The following ITPR1 variants were observed in gnomAD, a reference collection of about 807,000 sequenced individuals.
ITPR1 encodes the protein inositol 1,4,5-trisphosphate-gated calcium channel ITPR1.
Under a neutral mutation model 318.4 loss-of-function variants are expected in ITPR1, and 96 were observed. The ratio of observed to expected loss-of-function variants is 0.30; its 90% confidence interval spans 0.26 to 0.36. The LOEUF is 0.36. ITPR1 is among the 10% of genes least tolerant of loss of function. The pLI is 1.00. For synonymous variants in ITPR1, 1,312 were observed against 1,289.9 expected, an observed-to-expected ratio of 1.02 and a Z score of -0.37; for missense variants, 2,440 against 3,460.2, an observed-to-expected ratio of 0.71 and a Z score of 7.40.
At chr3:4,738,869 G>A (rs1165105028) in intron 44 of ITPR1, among the ~76,000 whole-genome samples, 1 of 151,868 alleles carries the variant, frequency 6.6e-6, no homozygotes, top group African/African-American at 2.4e-5. Context: ...GGGTGGTGTG[G>A]GGGCCTGTGG....
chr3:4,652,825 C>A (rs568278282), intron 11 of ITPR1, among the ~76,000 whole-genome samples: 1 of 151,982 alleles, frequency 6.6e-6, no homozygotes, highest in East Asian at 1.9e-4. Context: ...GGTGAAACCC[C>A]GTCTCTACAA....
At chr3:4,640,710 A>G (rs1559593454) in intron 6 of ITPR1, among the ~76,000 whole-genome samples, 2 of 152,268 alleles carry the variant, frequency 1.3e-5, no homozygotes. Flanking sequence ...CACCAGCAAA[A>G]TGGAAATGGT....
rs2050979461 is a variant in ITPR1 at position 4,837,114 on chromosome 3, TG to T, written c.8190+180del. 2.0e-5 allele frequency among the ~76,000 whole-genome samples: 3 copies of T among 152,156 alleles called. No individual in the cohort carries two copies. In the South Asian group the frequency reaches 6.2e-4, roughly 32 times the overall value. ...GTCTCCTCACCCCAATCCCCTTCAC[TG>T]CCCTTTTCCAGGATAAAGCCATGGT... On this transcript the variant is annotated intron_variant, in intron 61 of 61. Coordinates refer to ENST00000649015, the MANE Select transcript of ITPR1 (RefSeq NM_001378452.1).
intron 4 of ITPR1, among the ~76,000 whole-genome samples, chr3:4,557,911 T>C (rs974778432): frequency 4.6e-5 from 7 of 152,226 alleles, no homozygotes; most frequent in Admixed American, 3.9e-4. Flanking sequence ...CATAAATTTA[T>C]GGTGAAACCC....
intron 52 of ITPR1, among the ~76,000 whole-genome samples, chr3:4,792,578 C>T (rs929029206): frequency 3.9e-5 from 6 of 152,188 alleles, no homozygotes; most frequent in Admixed American, 2.6e-4. Context: ...CCTTGGTGCT[C>T]TTACGTGGCT....
At chr3:4,612,940 G>A (rs2092222647) in intron 4 of ITPR1, among the ~76,000 whole-genome samples, 1 of 152,298 alleles carries the variant, frequency 6.6e-6, no homozygotes, top group African/African-American at 2.4e-5. Context: ...AAGCTGTCTG[G>A]ATATGTGAAT....
intron 4 of ITPR1, among the ~76,000 whole-genome samples, chr3:4,582,831 C>T (rs983697057): frequency 1.3e-5 from 2 of 152,164 alleles, no homozygotes; most frequent in African/African-American, 4.8e-5. Context: ...GGAATGTGTT[C>T]TCCTTCTTCC....
intron 4 of ITPR1, among the ~76,000 whole-genome samples, chr3:4,529,448 T>C (rs79307328): frequency 0.012 from 1,827 of 152,358 alleles, 18 homozygotes; most frequent in Non-Finnish European, 0.017. Context: ...ATACTGTGGT[T>C]GATTACGGAC....
chr3:4,700,300 A>T (rs1368773696), intron 35 of ITPR1, among the ~76,000 whole-genome samples: 1 of 152,174 alleles, frequency 6.6e-6, no homozygotes, highest in Non-Finnish European at 1.5e-5. Context: ...AGCCTGTGCT[A>T]TTTCTGTCAG....
rs147165789 is a variant in ITPR1, at chr3:4,770,132, A to T, written c.5979+1368A>T. On this transcript the variant is annotated intron_variant, in intron 46 of 61. Transcript: ENST00000649015. ...TTGGGTTATGAGGGTATGGAAAGGA[A>T]ATAATGCTAGTCCAGATCTGGCCAG... Among the ~76,000 whole-genome samples the T allele has an allele frequency of 1.8e-3, 269 of 152,278 alleles. 1 individual carries two copies. Among genetic ancestry groups the T allele is most frequent in the Non-Finnish European group, 2.6e-3 (178 of 68,002 alleles).
rs756745652 is a variant in ITPR1 at position 4,663,144 on chromosome 3, G to T, written c.1492G>T (p.Val498Phe). 1.5e-5 allele frequency: 25 copies of T among 1,613,690 alleles called. No homozygotes were observed. The highest frequency in any genetic ancestry group is 1.5e-4 in the Admixed American group (9 of 59,990). ...TTCTGGTCAAGATGTTCTCGAAGTT[G>T]TCTTCTCCAAGCCCAACAGAGAACG... is the stretch of plus-strand genomic sequence containing the variant. ...TNSGQDVLEV[V>F]FSKPNRERQK... Residue 498 changes from valine (V) to phenylalanine (F), a missense_variant, in exon 16 of 62, where the codon GTC (valine) becomes TTC (phenylalanine). Around this residue, in one of 23 missense-constraint regions of ITPR1, gnomAD observed 478 missense variants for 696.3 expected, o/e 0.69. Transcript: ENST00000649015.
chr3:4,758,689 T>C (rs1222723268), intron 44 of ITPR1, among the ~76,000 whole-genome samples: 1 of 151,892 alleles, frequency 6.6e-6, no homozygotes, highest in Non-Finnish European at 1.5e-5. Context: ...GAAAGGAGTG[T>C]CCCCCTTTGA....
At chr3:4,546,125 C>T (rs370720907) in intron 4 of ITPR1, among the ~76,000 whole-genome samples, 1 of 152,074 alleles carries the variant, frequency 6.6e-6, no homozygotes, top group Non-Finnish European at 1.5e-5. Flanking sequence ...ACATTTTAAG[C>T]GTGCAGTCAG....
intron 31 of ITPR1, 125 bp from the exon 32 acceptor site, chr3:4,691,019 T>C (rs1360849123): frequency 5.4e-6 from 3 of 552,638 alleles, no homozygotes; most frequent in East Asian, 6.0e-5. Context: ...GAGAGAAACA[T>C]ATCTTCATGG....
At chr3:4,746,673 GT>G (rs2044131448) in intron 44 of ITPR1, among the ~76,000 whole-genome samples, 1 of 152,230 alleles carries the variant, frequency 6.6e-6, no homozygotes, top group Admixed American at 6.5e-5. Flanking sequence ...GCCTCCACAC[GT>G]GCTGGATGAA....
At chr3:4,706,443 GC>G in intron 37 of ITPR1, 92 bp downstream of exon 37, 1 of 1,166,958 alleles carries the variant, frequency 8.6e-7, no homozygotes, top group Admixed American at 2.5e-5. Context: ...GAGCATCTAA[GC>G]TGGGCCGTGG....
chr3:4,520,316 C>T (rs2082462734), intron 3 of ITPR1, among the ~76,000 whole-genome samples: 1 of 152,190 alleles, frequency 6.6e-6, no homozygotes. Flanking sequence ...ACTTTAAATA[C>T]TGAGTCTTTA....
intron 4 of ITPR1, among the ~76,000 whole-genome samples, chr3:4,572,463 G>T (rs2088123657): frequency 6.6e-6 from 1 of 152,166 alleles, no homozygotes; most frequent in South Asian, 2.1e-4. Flanking sequence ...AAATTTGCAA[G>T]CTTCATGTGA....
chr3:4,777,804 A>C lies in ITPR1; in HGVS notation c.6291+430A>C, dbSNP rs1025424502. Among the ~76,000 whole-genome samples the C allele has an allele frequency of 2.2e-3, 329 of 150,804 alleles. 1 individual carries two copies. The highest frequency in any genetic ancestry group is 5.9e-3 in the African/African-American group (241 of 41,062). ...ATCTAGGACCAAAAAAAAAAAACCC[A>C]AAAAAACAAACATGTATTTTTACTT... On this transcript the variant is annotated intron_variant, in intron 48 of 61. Transcript: ENST00000649015.
Sources: gnomAD v4.1 joint callset for allele counts (sites outside exome capture counted in the v4.1 genomes callset) on GRCh38, gnomAD v4.1.1 for gene constraint, gnomAD v4.1.1 regional missense constraint, MANE v1.5 for transcripts, NCBI Gene and HGNC (gene_info 2026-07-23, HGNC 2026-07-21) for gene names.